Variants in MMP26 observed in about 807,000 individuals in gnomAD.
MMP26 encodes matrix metallopeptidase 26, also known as matrix metalloproteinase-26.
Under a neutral mutation model 31.0 loss-of-function variants are expected in MMP26, and 33 were observed. The observed-to-expected ratio is 1.06, with a 90% confidence interval of 0.81 to 1.42. The LOEUF (loss-of-function observed/expected upper bound fraction) is 1.42. MMP26 is among the 40% of genes most tolerant of loss of function. The pLI is 0.00. For missense variants in MMP26, 347 were observed against 316.1 expected, an observed-to-expected ratio of 1.10 and a Z score of -0.74; for synonymous variants, 122 against 114.9, an observed-to-expected ratio of 1.06 and a Z score of -0.40.
At chr11:4,891,317 G>A (rs1483799350) in intron 2 of MMP26, among the ~76,000 whole-genome samples, 1 of 152,042 alleles carries the variant, frequency 6.6e-6, no homozygotes, top group Non-Finnish European at 1.5e-5. Context: ...AGTAGAAACA[G>A]GCATGTCACA....
At chr11:4,771,628 A>C (rs1848722082) in intron 2 of MMP26, among the ~76,000 whole-genome samples, 1 of 152,196 alleles carries the variant, frequency 6.6e-6, no homozygotes, top group Non-Finnish European at 1.5e-5. Context: ...ATTCATGAGT[A>C]TAATGTTAGT....
intron 2 of MMP26, among the ~76,000 whole-genome samples, chr11:4,811,412 G>A (rs1380257392): frequency 6.6e-6 from 1 of 152,064 alleles, no homozygotes; most frequent in Non-Finnish European, 1.5e-5. Context: ...GTGTCCATGT[G>A]TACACAATGT....
At chr11:4,835,136 C>T (rs1458374133) in intron 2 of MMP26, among the ~76,000 whole-genome samples, 1 of 151,550 alleles carries the variant, frequency 6.6e-6, no homozygotes, top group Non-Finnish European at 1.5e-5. Context: ...AACATTTGAA[C>T]TTATGATCCC....
chr11:4,849,481 CAT>C (rs1027343253), intron 2 of MMP26, among the ~76,000 whole-genome samples: 7 of 152,100 alleles, frequency 4.6e-5, no homozygotes, highest in African/African-American at 1.4e-4. Context: ...ATTGTTTTCA[CAT>C]GTTTTTTTAG....
intron 2 of MMP26, among the ~76,000 whole-genome samples, chr11:4,919,000 T>C (rs2133578832): frequency 6.6e-6 from 1 of 152,350 alleles, no homozygotes; most frequent in East Asian, 1.9e-4. Flanking sequence ...CCACCTAACT[T>C]GCTTAATTCT....
rs1465386513 is a variant in MMP26 at position 4,992,413 on chromosome 11, A to T, written c.*171A>T. 2 of 633,984 alleles carry T rather than the reference A, an allele frequency of 3.2e-6. No homozygotes were observed. The highest frequency in any genetic ancestry group is 3.0e-5 in the Admixed American group (1 of 33,482). 39.3% of individuals were successfully genotyped at this position (633,984 alleles called of 1,614,324 possible). ...AAAACGCTACTGAGTCACAATAAAG[A>T]TTGTTTTAAAGAGTAATATTTTGTC... On this transcript the variant is annotated 3_prime_UTR_variant, in exon 8 of 8. Transcript: ENST00000380390.
chr11:4,847,756 T>C (rs1849894051), intron 2 of MMP26: 1 of 152,626 alleles, frequency 6.6e-6, no homozygotes, highest in Non-Finnish European at 1.5e-5. Flanking sequence ...GAGACTTACT[T>C]GCATTTTCCT....
chr11:4,847,697 C>T (rs1023304723), intron 2 of MMP26: 2 of 151,838 alleles, frequency 1.3e-5, no homozygotes, highest in African/African-American at 4.8e-5. Context: ...TTTTTCCTGG[C>T]CTGATCAGAG....
chr11:4,926,224 C>CAA (rs150540410), intron 2 of MMP26, among the ~76,000 whole-genome samples: 3,615 of 149,034 alleles, frequency 0.024, 128 homozygotes, highest in African/African-American at 0.082. Context: ...AAATGAGAAG[C>CAA]AAAAAAAAGG....
intron 2 of MMP26, among the ~76,000 whole-genome samples, chr11:4,871,410 A>T (rs951951617): frequency 1.3e-5 from 2 of 152,118 alleles, no homozygotes; most frequent in African/African-American, 4.8e-5. Flanking sequence ...TATTAAAATT[A>T]AGCACTAGGG....
chr11:4,955,939 C>T (rs186896653), intron 2 of MMP26, among the ~76,000 whole-genome samples: 1 of 152,120 alleles, frequency 6.6e-6, no homozygotes, highest in Non-Finnish European at 1.5e-5. Context: ...TCTATTAATG[C>T]ATTGGGAAAA....
At chr11:4,933,720 C>A (rs1206942438) in intron 2 of MMP26, among the ~76,000 whole-genome samples, 1 of 132,618 alleles carries the variant, frequency 7.5e-6, no homozygotes, top group Admixed American at 7.7e-5. Flanking sequence ...CTATTCCTCC[C>A]CCCTCCCCCC....
chr11:4,932,929 T>C (rs576057065), intron 2 of MMP26, among the ~76,000 whole-genome samples: 1 of 152,262 alleles, frequency 6.6e-6, no homozygotes, highest in African/African-American at 2.4e-5. Context: ...AAAAGTTCAT[T>C]GCCTTGTTTA....
At chr11:4,931,850 CA>C (rs1168559133) in intron 2 of MMP26, among the ~76,000 whole-genome samples, 1 of 151,774 alleles carries the variant, frequency 6.6e-6, no homozygotes, top group Non-Finnish European at 1.5e-5. Context: ...TGTCTGGTGG[CA>C]AATAATAGGA....
At chr11:4,825,103 G>T (rs981229786) in intron 2 of MMP26, among the ~76,000 whole-genome samples, 2 of 152,068 alleles carry the variant, frequency 1.3e-5, no homozygotes, top group African/African-American at 4.8e-5. Context: ...TGGAGGAAAG[G>T]TATCAGTTGT....
intron 2 of MMP26, among the ~76,000 whole-genome samples, chr11:4,839,276 A>G (rs2133487543): frequency 6.6e-6 from 1 of 152,110 alleles, no homozygotes; most frequent in African/African-American, 2.4e-5. Context: ...CAAGGACTGC[A>G]ACTCTCAAAC....
intron 1 of MMP26, among the ~76,000 whole-genome samples, chr11:4,718,359 G>A (rs991502858): frequency 6.6e-6 from 1 of 152,162 alleles, no homozygotes; most frequent in Non-Finnish European, 1.5e-5. Flanking sequence ...AAGACGGAAT[G>A]CTGCTCTCTT....
intron 2 of MMP26, among the ~76,000 whole-genome samples, chr11:4,796,304 T>C (rs1057302350): frequency 3.9e-5 from 6 of 152,250 alleles, no homozygotes; most frequent in African/African-American, 1.4e-4. Context: ...CAATACAGAA[T>C]AAACATTACC....
chr11:4,845,329 C>T (rs1238638863), intron 2 of MMP26, among the ~76,000 whole-genome samples: 1 of 151,964 alleles, frequency 6.6e-6, no homozygotes, highest in Non-Finnish European at 1.5e-5. Flanking sequence ...ATGTCCATAC[C>T]GTCCAAAGCA....
Sources: gnomAD v4.1 joint callset for allele counts (sites outside exome capture counted in the v4.1 genomes callset) on GRCh38, gnomAD v4.1.1 for gene constraint, MANE v1.5 for transcripts, NCBI Gene and HGNC (gene_info 2026-07-23, HGNC 2026-07-21) for gene names.